Variants in PCDHGA3 observed in about 807,000 individuals in gnomAD.
The protein encoded by PCDHGA3 is protocadherin gamma-A3.
Under a neutral mutation model 58.5 loss-of-function variants are expected in PCDHGA3, and 40 were observed. The observed-to-expected ratio is 0.68, with a 90% confidence interval of 0.53 to 0.89. The LOEUF is 0.89. PCDHGA3 is among the 40% of genes least tolerant of loss of function. The pLI, the probability that PCDHGA3 is intolerant of heterozygous loss-of-function variation, is 0.00. For missense variants in PCDHGA3, 1,223 were observed against 1,195.9 expected, an observed-to-expected ratio of 1.02 and a Z score of -0.33; for synonymous variants, 530 against 525.7, an observed-to-expected ratio of 1.01 and a Z score of -0.11.
chr5:141,383,085 C>G (rs773972778), intron 1 of PCDHGA3: 15 of 1,613,862 alleles, frequency 9.3e-6, no homozygotes, highest in Non-Finnish European at 1.3e-5. Context: ...TGGCGGAGCG[C>G]GGAGTCCGCA....
chr5:141,477,157 C>G lies in PCDHGA3; in HGVS notation c.2425-17650C>G. ...TGGTGGAGGTTGTGGATGTGAATGA[C>G]AACGCCCCGGAGATCACAGTCACCT... is the stretch of plus-strand genomic sequence containing the variant. On this transcript the variant is annotated intron_variant, in intron 1 of 3. Transcript: ENST00000253812. This position sits in a 1 kb window ranked among gnomAD's most constrained non-coding sequence, Gnocchi z 4.9. 1 of 1,614,182 alleles carries G rather than the reference C, an allele frequency of 6.2e-7. No individual in the cohort carries two copies. Among genetic ancestry groups the G allele is most frequent in the Non-Finnish European group, 8.5e-7 (1 of 1,180,038 alleles).
chr5:141,414,159 A>G (rs2095715416), intron 1 of PCDHGA3: 1 of 1,602,874 alleles, frequency 6.2e-7, no homozygotes. Context: ...CAGAAGATGG[A>G]GGAGCATATC....
rs779981011 is a variant in PCDHGA3 at position 141,395,287 on chromosome 5, G to T, written c.2424+48830G>T. 11 of 1,533,118 alleles carry T rather than the reference G, an allele frequency of 7.2e-6. No homozygotes were observed. The South Asian group carries it at 1.3e-4, about 18-fold the overall frequency. 95.0% of individuals were successfully genotyped at this position (1,533,118 alleles called of 1,614,324 possible). A position where few individuals can be genotyped will look rare whatever the true frequency, so the allele number is the denominator to read the frequency against. On this transcript the variant is annotated intron_variant, in intron 1 of 3. Transcript: ENST00000253812. ...TTAATTTCCAGATGAATTTTATTTG[G>T]CATAAATTATGTTTTGAAAAACATT...
intron 1 of PCDHGA3, chr5:141,399,984 A>C (rs1310810422): frequency 1.2e-6 from 2 of 1,612,296 alleles, no homozygotes; most frequent in Non-Finnish European, 8.5e-7. Context: ...GGCTGCGCAC[A>C]GGAGAGGTGC....
intron 1 of PCDHGA3, chr5:141,407,920 C>T: frequency 2.1e-6 from 1 of 475,788 alleles, no homozygotes; most frequent in Non-Finnish European, 3.6e-6. Context: ...GCTGCTGTCC[C>T]GCACGGAGCC....
chr5:141,383,755 C>T, intron 1 of PCDHGA3: 1 of 1,613,958 alleles, frequency 6.2e-7, no homozygotes, highest in Non-Finnish European at 8.5e-7. Context: ...GAAAATAACT[C>T]CTAAACTTCC....
At chr5:141,385,113 G>A (rs541716228) in intron 1 of PCDHGA3, 3 of 1,614,166 alleles carry the variant, frequency 1.9e-6, no homozygotes, top group South Asian at 2.2e-5. Context: ...TGCCCACCTC[G>A]CACTTTGTGG....
intron 1 of PCDHGA3, among the ~76,000 whole-genome samples, chr5:141,454,795 A>G (rs79012896): frequency 9.1e-6 from 1 of 110,272 alleles, no homozygotes; most frequent in South Asian, 3.0e-4. Flanking sequence ...CCATGGTTCT[A>G]ATTTTTTTTT....
chr5:141,399,133 G>A (rs1054849184), intron 1 of PCDHGA3: 1 of 1,613,714 alleles, frequency 6.2e-7, no homozygotes, highest in Non-Finnish European at 8.5e-7. Flanking sequence ...TATTCAAGAT[G>A]AAAATGACAA....
At chr5:141,371,900 G>T in intron 1 of PCDHGA3, 4 of 1,613,378 alleles carry the variant, frequency 2.5e-6, no homozygotes, top group Middle Eastern at 1.6e-4. Flanking sequence ...GGGAGCTGTC[G>T]TCCTACGTGT....
At position 141,438,956 on chromosome 5, in the gene PCDHGA3, G is replaced by A. The variant is rs140181975; in HGVS notation, c.2425-55851G>A. 3.9e-3 allele frequency among the ~76,000 whole-genome samples: 592 copies of A among 151,974 alleles called. 6 individuals are homozygous for A. Among genetic ancestry groups the A allele is most frequent in the Admixed American group, 0.011 (171 of 15,242 alleles). On this transcript the variant is annotated intron_variant, in intron 1 of 3. Coordinates refer to ENST00000253812, the MANE Select transcript of PCDHGA3 (RefSeq NM_018916.4). ...GCTGGGATTATAGGCATGAGCCACCGCACCCTGCCAACTGTCTGACTTATC... is the reference window on the plus strand; with the variant it reads ...GCTGGGATTATAGGCATGAGCCACCACACCCTGCCAACTGTCTGACTTATC...
At chr5:141,468,774 G>A (rs1229480462) in intron 1 of PCDHGA3, among the ~76,000 whole-genome samples, 4 of 152,028 alleles carry the variant, frequency 2.6e-5, no homozygotes, top group Non-Finnish European at 4.4e-5. Flanking sequence ...GCTGAGGCAG[G>A]AGAATGGCGT....
chr5:141,508,928 G>A (rs1475005703), intron 3 of PCDHGA3, among the ~76,000 whole-genome samples: 1 of 152,076 alleles, frequency 6.6e-6, no homozygotes, highest in East Asian at 1.9e-4. Flanking sequence ...TCCTTTTGGA[G>A]TTAATTAGGG....
chr5:141,432,873 T>A lies in PCDHGA3; in HGVS notation c.2425-61934T>A, dbSNP rs753576338. ...GTGGCCGCGGTCTCCTGCGTCTTCCTGGCCTTCGTCATCTTGCTGCTGGCG... is the reference window on the plus strand; with the variant it reads ...GTGGCCGCGGTCTCCTGCGTCTTCCAGGCCTTCGTCATCTTGCTGCTGGCG... On this transcript the variant is annotated intron_variant, in intron 1 of 3. Transcript: ENST00000253812. This position sits in a 1 kb window ranked among gnomAD's most constrained non-coding sequence, Gnocchi z 6.0. 1.4e-5 allele frequency: 22 copies of A among 1,614,204 alleles called. No individual in the cohort carries two copies. The highest frequency in any genetic ancestry group is 3.3e-4 in the Middle Eastern group (2 of 6,062).
intron 1 of PCDHGA3, chr5:141,384,517 C>G: frequency 6.2e-7 from 1 of 1,614,192 alleles, no homozygotes; most frequent in South Asian, 1.1e-5. Context: ...CAGCGGGGAC[C>G]CGCCTCTCAG....
In PCDHGA3 at chr5:141,487,218, C is replaced by G. The variant is rs2099641338; in HGVS notation, c.2425-7589C>G. The stretch of plus-strand genomic sequence containing the variant: ...CCAGATCTTCGAGAATCTTCAGCTC[C>G]AAGGGAAGGAGAATCTCGTCTAACC... On this transcript the variant is annotated intron_variant, in intron 1 of 3. Transcript: ENST00000253812. The surrounding 1 kb of genome is among the most constrained non-coding windows in gnomAD (Gnocchi z 5.0). 1 of 1,613,820 alleles carries G rather than the reference C, an allele frequency of 6.2e-7. No homozygotes were observed. The highest frequency in any genetic ancestry group is 1.1e-5 in the South Asian group (1 of 91,078).
At chr5:141,380,044 T>G (rs2150154825) in intron 1 of PCDHGA3, among the ~76,000 whole-genome samples, 1 of 151,770 alleles carries the variant, frequency 6.6e-6, no homozygotes, top group African/African-American at 2.4e-5. Context: ...GGATTACAGG[T>G]GCATGCCACC....
chr5:141,404,083 G>A (rs761560113), intron 1 of PCDHGA3: 7 of 1,613,736 alleles, frequency 4.3e-6, no homozygotes, highest in Admixed American at 3.3e-5. Context: ...GAGACTCCGG[G>A]AAGAATGGTC....
At chr5:141,393,944 A>G (rs756691407) in intron 1 of PCDHGA3, 3 of 1,613,998 alleles carry the variant, frequency 1.9e-6, no homozygotes, top group South Asian at 1.1e-5. Flanking sequence ...AAGACTCTGG[A>G]AAGAATGGTC....
Sources: allele counts gnomAD v4.1 joint callset (sites outside exome capture counted in the v4.1 genomes callset), GRCh38; gene constraint gnomAD v4.1.1; non-coding constraint Gnocchi (gnomAD v3.1); transcripts MANE v1.5; gene names NCBI Gene and HGNC (gene_info 2026-07-23, HGNC 2026-07-21).